REC114: variants seen among roughly 807,000 people sequenced by gnomAD.
REC114 encodes meiotic recombination protein REC114.
Under a neutral mutation model 31.3 loss-of-function variants are expected in REC114, and 27 were observed. That is an observed-to-expected ratio of 0.86 (90% confidence interval 0.64 to 1.19). REC114 has a LOEUF of 1.19. REC114 is among the 50% of genes most tolerant of loss of function. The pLI, the probability that REC114 is intolerant of heterozygous loss-of-function variation, is 0.00. For missense variants in REC114, 344 were observed against 326.9 expected (o/e 1.05, Z -0.40); for synonymous variants, 134 against 127.7 (o/e 1.05, Z -0.33).
chr15:73,517,769 T>C (rs553330442), intron 2 of REC114, among the ~76,000 whole-genome samples: 1 of 152,290 alleles, frequency 6.6e-6, no homozygotes, highest in Non-Finnish European at 1.5e-5. Flanking sequence ...TCTTTGAAGG[T>C]CAGAGAAGGC....
At chr15:73,470,082 A>G (rs930039346) in intron 1 of REC114, among the ~76,000 whole-genome samples, 3 of 151,210 alleles carry the variant, frequency 2.0e-5, no homozygotes, top group African/African-American at 7.3e-5. Context: ...CAATCTGACA[A>G]CCTCTGCCTT....
rs55752442 is a variant in REC114 at position 73,476,333 on chromosome 15, G to A, written c.249+2412G>A. On this transcript the variant is annotated intron_variant, in intron 2 of 5. Coordinates refer to ENST00000331090, the MANE Select transcript of REC114 (RefSeq NM_001042367.2). ...ATAAATCTATAGTCATGTAACCATC[G>A]CCACAATCATGATACAGAACATTTC... 9.4e-3 allele frequency among the ~76,000 whole-genome samples: 1,435 copies of A among 152,030 alleles called. 21 individuals carry two copies. The highest frequency in any genetic ancestry group is 0.03 in the African/African-American group (1,263 of 41,448).
chr15:73,473,563 C>CCA (rs1469685796), intron 1 of REC114, among the ~76,000 whole-genome samples: 1 of 152,048 alleles, frequency 6.6e-6, no homozygotes, highest in Admixed American at 6.5e-5. Flanking sequence ...GGCTCAGGAC[C>CCA]CACAACTCAT....
intron 2 of REC114, among the ~76,000 whole-genome samples, chr15:73,538,898 T>TA (rs879777585): frequency 1.4e-3 from 202 of 140,884 alleles, no homozygotes; most frequent in South Asian, 3.4e-3. Context: ...ATCTTATGTT[T>TA]AAAAAAAAAA....
chr15:73,549,743 A>G (rs1894362597), intron 3 of REC114, among the ~76,000 whole-genome samples: 1 of 152,144 alleles, frequency 6.6e-6, no homozygotes, highest in Admixed American at 6.5e-5. Context: ...TTTTATATTC[A>G]GGGGGAAAAA....
At chr15:73,525,099 A>G (rs1420785648) in intron 2 of REC114, among the ~76,000 whole-genome samples, 2 of 152,298 alleles carry the variant, frequency 1.3e-5, no homozygotes, top group East Asian at 1.9e-4. Context: ...GGTCATGGCA[A>G]TAGTTTTTTG....
chr15:73,495,977 T>G (rs1893516412), intron 2 of REC114, among the ~76,000 whole-genome samples: 1 of 152,148 alleles, frequency 6.6e-6, no homozygotes, highest in Non-Finnish European at 1.5e-5. Context: ...ACAAAGAAAG[T>G]GCAGTTCCAA....
rs1206320852 is a variant in REC114 at position 73,507,593 on chromosome 15, T to G, written c.250-32892T>G. Among the ~76,000 whole-genome samples the G allele has an allele frequency of 3.9e-5, 6 of 152,156 alleles. No homozygotes were observed. The East Asian group carries it at 1.2e-3, about 29-fold the overall frequency. On this transcript the variant is annotated intron_variant, in intron 2 of 5. Coordinates refer to ENST00000331090, the MANE Select transcript of REC114 (RefSeq NM_001042367.2). ...ACTTTCTAAAATATTTTTTACCTTT[T>G]GATTCTGTACATATGTATTAAATAT...
intron 2 of REC114, among the ~76,000 whole-genome samples, chr15:73,480,148 A>T (rs1893273292): frequency 6.6e-6 from 1 of 152,150 alleles, no homozygotes; most frequent in East Asian, 1.9e-4. Context: ...ATGAGGGAAT[A>T]ATGTCATTGT....
chr15:73,543,974 G>T (rs1894275823), intron 3 of REC114, among the ~76,000 whole-genome samples: 3 of 114,568 alleles, frequency 2.6e-5, no homozygotes, highest in Non-Finnish European at 5.1e-5. Context: ...TTTGAGAAGA[G>T]TCTAACTCTG....
intron 2 of REC114, among the ~76,000 whole-genome samples, chr15:73,489,299 G>A (rs568214278): frequency 1.6e-4 from 24 of 150,954 alleles, no homozygotes; most frequent in Non-Finnish European, 3.1e-4. Flanking sequence ...TGCCTCCCAG[G>A]TTCAAGCAAT....
chr15:73,511,435 C>G (rs897118144), intron 2 of REC114, among the ~76,000 whole-genome samples: 43 of 152,018 alleles, frequency 2.8e-4, no homozygotes, highest in Non-Finnish European at 5.7e-4. Flanking sequence ...TTTTGTGTCT[C>G]TATTTCCTTC....
intron 2 of REC114, among the ~76,000 whole-genome samples, chr15:73,500,570 T>C (rs2141307933): frequency 6.6e-6 from 1 of 152,254 alleles, no homozygotes; most frequent in Admixed American, 6.5e-5. Flanking sequence ...GTTCTAGAAA[T>C]GTTCTATGTT....
intron 2 of REC114, among the ~76,000 whole-genome samples, chr15:73,534,761 A>C (rs1174885673): frequency 6.6e-6 from 1 of 151,954 alleles, no homozygotes; most frequent in African/African-American, 2.4e-5. Context: ...TTTGATGAAC[A>C]TTGATGCAGA....
chr15:73,450,375 A>T (rs1255590826), intron 1 of REC114, among the ~76,000 whole-genome samples: 1 of 152,244 alleles, frequency 6.6e-6, no homozygotes, highest in East Asian at 1.9e-4. Flanking sequence ...ACCAGCAAAG[A>T]TAAAAAGAGA....
intron 2 of REC114, among the ~76,000 whole-genome samples, chr15:73,491,141 A>G (rs1346271512): frequency 1.3e-5 from 1 of 79,618 alleles, no homozygotes; most frequent in Non-Finnish European, 2.8e-5. Flanking sequence ...TTATGAGTAG[A>G]GCTGTTATGA....
At chr15:73,498,911 A>G (rs576906441) in intron 2 of REC114, among the ~76,000 whole-genome samples, 2 of 152,226 alleles carry the variant, frequency 1.3e-5, no homozygotes, top group African/African-American at 2.4e-5. Flanking sequence ...GTTTTGTAAA[A>G]TCCTCTTAGA....
chr15:73,514,331 G>A (rs1376433933), intron 2 of REC114, among the ~76,000 whole-genome samples: 2 of 151,714 alleles, frequency 1.3e-5, no homozygotes, highest in African/African-American at 4.9e-5. Context: ...CCACTGGCCT[G>A]CGCCCACTGT....
At chr15:73,559,656 C>T (rs1012307370) in intron 5 of REC114, 96 bp from the exon 6 acceptor site, 27 of 1,154,512 alleles carry the variant, frequency 2.3e-5, no homozygotes, top group Admixed American at 2.1e-4. Context: ...GTGTGTATTT[C>T]GCTAATCTTT....
Sources: gnomAD v4.1 joint callset for allele counts (sites outside exome capture counted in the v4.1 genomes callset) on GRCh38, gnomAD v4.1.1 for gene constraint, MANE v1.5 for transcripts, NCBI Gene and HGNC (gene_info 2026-07-23, HGNC 2026-07-21) for gene names.